The following DOCK4 variants were observed in gnomAD, a reference collection of about 807,000 sequenced individuals.
DOCK4 encodes dedicator of cytokinesis 4, also known as dedicator of cytokinesis protein 4.
DOCK4 carries 97 observed loss-of-function variants against 268.1 expected under a neutral mutation model. The ratio of observed to expected loss-of-function variants is 0.36; its 90% CI spans 0.31 to 0.43. The LOEUF (loss-of-function observed/expected upper bound fraction) is 0.43, where lower values mean the gene tolerates loss of function less well. Ranked by LOEUF, DOCK4 falls within the 20% of genes least tolerant of loss-of-function variation. DOCK4 has a pLI of 1.00. For synonymous variants in DOCK4, 954 were observed against 887.2 expected (o/e 1.08, Z -1.34); for missense variants, 2,145 against 2,455.7 (o/e 0.87, Z 2.67).
chr7:112,177,244 AC>A (rs1818616531), intron 1 of DOCK4, among the ~76,000 whole-genome samples: 1 of 152,156 alleles, frequency 6.6e-6, no homozygotes, highest in Non-Finnish European at 1.5e-5. Context: ...GTCTGCTGTC[AC>A]CCCTTACTAT....
intron 22 of DOCK4, among the ~76,000 whole-genome samples, chr7:111,864,252 A>C (rs921521788): frequency 1.3e-5 from 2 of 151,964 alleles, no homozygotes; most frequent in Non-Finnish European, 2.9e-5. Context: ...GTAAAAAAAA[A>C]AAAAACCCGA....
intron 27 of DOCK4, chr7:111,821,832 T>C (rs1319035898): frequency 1.3e-5 from 2 of 152,426 alleles, no homozygotes; most frequent in Non-Finnish European, 2.9e-5. Flanking sequence ...TTCATGTATG[T>C]ATTTTGTTGA....
intron 23 of DOCK4, 103 bp from the exon 24 acceptor site, chr7:111,847,229 T>C: frequency 1.4e-6 from 2 of 1,397,144 alleles, no homozygotes; most frequent in South Asian, 2.8e-5. Flanking sequence ...GCTAAATTAT[T>C]AACACATGTA....
chr7:111,731,260 G>T (rs1248923324), intron 52 of DOCK4, among the ~76,000 whole-genome samples: 1 of 152,194 alleles, frequency 6.6e-6, no homozygotes, highest in East Asian at 1.9e-4. Context: ...TGCGGGGGGA[G>T]GCGGGTTGTT....
chr7:111,986,240 A>G (rs1011663209), intron 6 of DOCK4, among the ~76,000 whole-genome samples: 3 of 152,190 alleles, frequency 2.0e-5, no homozygotes, highest in African/African-American at 7.2e-5. Flanking sequence ...GGAAATTCAG[A>G]CATCAGTCAC....
chr7:112,028,852 C>T (rs1452458230), intron 1 of DOCK4, among the ~76,000 whole-genome samples: 2 of 152,150 alleles, frequency 1.3e-5, no homozygotes, highest in South Asian at 2.1e-4. Context: ...CATTTCACAC[C>T]GAATCATCCT....
intron 1 of DOCK4, among the ~76,000 whole-genome samples, chr7:112,078,891 C>T (rs1307777871): frequency 1.3e-5 from 2 of 151,998 alleles, no homozygotes; most frequent in Non-Finnish European, 2.9e-5. Flanking sequence ...TTTGGGAGGT[C>T]GAGGCAGGTG....
At position 111,900,413 on chromosome 7, in the gene DOCK4, G is replaced by A. The variant is rs764783981; in HGVS notation, c.1441C>T (p.Arg481Trp). The stretch of plus-strand genomic sequence containing the variant: ...AACTCGAAGCGGATGTGTGCACCCC[G>A]GAATTTATCCACAGGAATGGGAAGT... ...LKLPIPVDKF[R>W]GAHIRFEFRH... Residue 481 changes from arginine (R) to tryptophan (W), a missense_variant, in exon 15 of 53, where the codon CGG (arginine) becomes TGG (tryptophan). Physicochemically the swap from Arg to Trp is moderately radical, Grantham distance 101. Around this residue, in one of 2 missense-constraint regions of DOCK4, gnomAD observed 1,598 missense variants for 1,986.7 expected, o/e 0.80. Coordinates refer to ENST00000428084, the MANE Select transcript of DOCK4 (RefSeq NM_001363540.2). The A allele has an allele frequency of 2.5e-6, 4 of 1,613,322 alleles. No individual in the cohort carries two copies. Among genetic ancestry groups the A allele is most frequent in the Non-Finnish European group, 3.4e-6 (4 of 1,179,740 alleles).
At chr7:112,003,989 G>T in intron 2 of DOCK4, 59 bp downstream of exon 2, 1 of 1,355,030 alleles carries the variant, frequency 7.4e-7, no homozygotes. Flanking sequence ...GGTATGGACA[G>T]AATTTGTAGA....
intron 22 of DOCK4, among the ~76,000 whole-genome samples, chr7:111,865,480 G>C (rs1364343350): frequency 6.6e-6 from 1 of 152,212 alleles, no homozygotes; most frequent in Non-Finnish European, 1.5e-5. Flanking sequence ...CCAGGTTTCT[G>C]CCTATAAGGC....
rs60579240 is a variant in DOCK4, at chr7:111,976,159, A to ATATATATATAT, written c.701+972_701+973insATATATATATA. Among the ~76,000 whole-genome samples the ATATATATATAT allele has an allele frequency of 5.0e-4, 35 of 70,152 alleles. 1 individual carries two copies. Among genetic ancestry groups the ATATATATATAT allele is most frequent in the East Asian group, 2.1e-3 (4 of 1,904 alleles). 46.0% of individuals were successfully genotyped at this position (70,152 alleles called of 152,430 possible). A position where few individuals can be genotyped will look rare whatever the true frequency, so the allele number is the denominator to read the frequency against. Reference sequence around the variant, plus strand: ...CCATCTCAAAAAAAAAAAAAAAAAAAAAATATATATATATATATACACACA... The same window carrying ATATATATATAT: ...CCATCTCAAAAAAAAAAAAAAAAAAATATATATATATAAATATATATATATATATACACACA... On this transcript the variant is annotated intron_variant, in intron 8 of 52. Transcript: ENST00000428084.
intron 1 of DOCK4, among the ~76,000 whole-genome samples, chr7:112,084,143 C>T (rs941115426): frequency 2.6e-5 from 4 of 152,186 alleles, no homozygotes; most frequent in Admixed American, 1.3e-4. Flanking sequence ...GAAGTAGAGT[C>T]ATGCCGTCAG....
At chr7:112,137,290 T>TTC (rs1011961919) in intron 1 of DOCK4, among the ~76,000 whole-genome samples, 3 of 152,156 alleles carry the variant, frequency 2.0e-5, no homozygotes, top group African/African-American at 7.2e-5. Context: ...TCCCAGAGAG[T>TTC]TCCTCCAGCC....
At chr7:111,909,260 A>C (rs1034494843) in intron 13 of DOCK4, among the ~76,000 whole-genome samples, 4 of 152,242 alleles carry the variant, frequency 2.6e-5, no homozygotes, top group Admixed American at 6.5e-5. Flanking sequence ...TTCTCTAATG[A>C]CCAGTGACAA....
At chr7:111,733,709 C>T (rs1314461684) in intron 51 of DOCK4, among the ~76,000 whole-genome samples, 2 of 152,164 alleles carry the variant, frequency 1.3e-5, no homozygotes, top group Non-Finnish European at 2.9e-5. Context: ...ACTTTAGGGA[C>T]ACAACCAGGT....
At position 111,769,693 on chromosome 7, in the gene DOCK4, GA is replaced by G; in HGVS notation, c.3680-17del. 1 of 1,610,808 alleles carries G rather than the reference GA, an allele frequency of 6.2e-7. No homozygotes were observed. The highest frequency in any genetic ancestry group is 8.5e-7 in the Non-Finnish European group (1 of 1,177,982). On this transcript the variant is annotated splice_polypyrimidine_tract_variant and intron_variant, in intron 36 of 52. Transcript: ENST00000428084. The stretch of plus-strand genomic sequence containing the variant: ...TATGCAGCTTCTGCAAGTCACGTGA[GA>G]AGACAATGATTGAGACAGGACCCCA...
chr7:111,912,856 T>C (rs1255439826), intron 13 of DOCK4, among the ~76,000 whole-genome samples: 1 of 151,786 alleles, frequency 6.6e-6, no homozygotes, highest in Admixed American at 6.6e-5. Flanking sequence ...TTAGACTTTT[T>C]CTTTTTTTTT....
Position 111,822,354 on chromosome 7 carries a change from T to C in DOCK4, c.2930+8A>G. On this transcript the variant is annotated splice_region_variant and intron_variant, in intron 27 of 52. Transcript: ENST00000428084. ...GAGCTGCAATTATCATCAACTTAAA[T>C]GTCTTACTTGTTAGCAACCAAGCGC... The C allele has an allele frequency of 6.2e-7, 1 of 1,607,976 alleles. No homozygotes were observed. Among genetic ancestry groups the C allele is most frequent in the Non-Finnish European group, 8.5e-7 (1 of 1,175,544 alleles).
At chr7:112,037,928 C>T (rs1803970543) in intron 1 of DOCK4, among the ~76,000 whole-genome samples, 1 of 152,148 alleles carries the variant, frequency 6.6e-6, no homozygotes, top group Non-Finnish European at 1.5e-5. Flanking sequence ...TTAATTTCAG[C>T]CATTCTAATG....
Sources: allele counts gnomAD v4.1 joint callset (sites outside exome capture counted in the v4.1 genomes callset), GRCh38; gene constraint gnomAD v4.1.1; regional missense constraint gnomAD v4.1.1; transcripts MANE v1.5; gene names NCBI Gene and HGNC (gene_info 2026-07-23, HGNC 2026-07-21).